The following RAB3C variants were observed in gnomAD, a reference collection of about 807,000 sequenced individuals.
RAB3C encodes ras-related protein Rab-3C.
A neutral mutation model predicts 26.4 loss-of-function variants in RAB3C; 17 were observed. The observed-to-expected ratio is 0.64, with a 90% CI of 0.44 to 0.97. The LOEUF (loss-of-function observed/expected upper bound fraction) is 0.97. Ranked by LOEUF, RAB3C falls within the 50% of genes least tolerant of loss-of-function variation. RAB3C has a pLI of 0.00. For synonymous variants in RAB3C, 91 were observed against 95.9 expected (o/e 0.95, Z 0.30); for missense variants, 242 against 281.9 (o/e 0.86, Z 1.01).
intron 1 of RAB3C, among the ~76,000 whole-genome samples, chr5:58,604,893 T>C (rs1411198809): frequency 2.0e-5 from 3 of 152,176 alleles, no homozygotes; most frequent in African/African-American, 7.2e-5. Context: ...CTGTGGAGTT[T>C]TAACCGCTGC....
At chr5:58,794,711 A>G (rs1160806) in intron 3 of RAB3C, among the ~76,000 whole-genome samples, 30,176 of 152,182 alleles carry the variant, frequency 0.2, 3,152 homozygotes, top group East Asian at 0.39. Context: ...TAACGTCTCT[A>G]TGAAAGTGGT....
chr5:58,749,242 A>T (rs573701317), intron 3 of RAB3C, among the ~76,000 whole-genome samples: 1 of 152,288 alleles, frequency 6.6e-6, no homozygotes, highest in South Asian at 2.1e-4. Flanking sequence ...GCCCTTCACC[A>T]TCTTTCTTTC....
intron 3 of RAB3C, among the ~76,000 whole-genome samples, chr5:58,756,447 A>T (rs895822367): frequency 6.8e-6 from 1 of 147,384 alleles, no homozygotes; most frequent in African/African-American, 2.5e-5. Context: ...CATGTGCAGA[A>T]CGTGCAGGTT....
At chr5:58,750,257 A>G (rs1741493761) in intron 3 of RAB3C, among the ~76,000 whole-genome samples, 5 of 152,246 alleles carry the variant, frequency 3.3e-5, no homozygotes, top group African/African-American at 1.2e-4. Context: ...GTTTAAAAAC[A>G]AATAAAATAA....
Position 58,661,022 on chromosome 5 carries a change from C to T in RAB3C, c.252+43152C>T, listed in dbSNP as rs532651305. On this transcript the variant is annotated intron_variant, in intron 2 of 4. Coordinates refer to ENST00000282878, the MANE Select transcript of RAB3C (RefSeq NM_138453.4). ...GGTATGCAGACAAGCTTGATTAACA[C>T]GGACTCTATCAAAATCAAAACATGA... Among the ~76,000 whole-genome samples the T allele has an allele frequency of 1.1e-4, 17 of 150,126 alleles. 1 individual carries two copies. In the East Asian group the frequency reaches 3.1e-3, roughly 27 times the overall value.
At chr5:58,597,699 TATATA>T (rs1328068640) in intron 1 of RAB3C, among the ~76,000 whole-genome samples, 4 of 112,880 alleles carry the variant, frequency 3.5e-5, no homozygotes, top group Admixed American at 9.5e-5. Flanking sequence ...TATATATAAG[TATATA>T]ATATAATATA....
intron 2 of RAB3C, among the ~76,000 whole-genome samples, chr5:58,688,577 ACT>A (rs1262098711): frequency 6.6e-6 from 1 of 151,982 alleles, no homozygotes; most frequent in Non-Finnish European, 1.5e-5. Context: ...TAGCTCCTCA[ACT>A]CTCCTAAGAA....
intron 1 of RAB3C, among the ~76,000 whole-genome samples, chr5:58,609,005 T>G (rs549127331): frequency 6.6e-6 from 1 of 152,110 alleles, no homozygotes; most frequent in East Asian, 1.9e-4. Flanking sequence ...ACACTTGGAC[T>G]TAGGGCAGGA....
intron 3 of RAB3C, among the ~76,000 whole-genome samples, chr5:58,761,662 C>G (rs988677662): frequency 6.6e-6 from 1 of 152,050 alleles, no homozygotes; most frequent in East Asian, 1.9e-4. Context: ...ACACTCACTC[C>G]AGACTTTGCT....
At chr5:58,787,311 A>T (rs1742414075) in intron 3 of RAB3C, among the ~76,000 whole-genome samples, 1 of 152,348 alleles carries the variant, frequency 6.6e-6, no homozygotes, top group South Asian at 2.1e-4. Context: ...TGTAGATTTC[A>T]GTTGTCGATG....
intron 2 of RAB3C, among the ~76,000 whole-genome samples, chr5:58,706,232 A>G (rs965183007): frequency 6.6e-6 from 1 of 152,148 alleles, no homozygotes; most frequent in African/African-American, 2.4e-5. Flanking sequence ...GAGATCCATC[A>G]GTTACAGCTA....
At chr5:58,653,408 G>C (rs967439413) in intron 2 of RAB3C, among the ~76,000 whole-genome samples, 2 of 152,172 alleles carry the variant, frequency 1.3e-5, no homozygotes, top group Non-Finnish European at 2.9e-5. Context: ...CAAGGATCTA[G>C]AACCAGAAAT....
At chr5:58,837,822 G>A (rs919945806) in intron 4 of RAB3C, among the ~76,000 whole-genome samples, 7 of 152,052 alleles carry the variant, frequency 4.6e-5, no homozygotes, top group Admixed American at 2.0e-4. Flanking sequence ...GCTTCCCAAA[G>A]TGCTGGGATT....
chr5:58,622,914 G>C (rs1746966188), intron 2 of RAB3C, among the ~76,000 whole-genome samples: 1 of 152,196 alleles, frequency 6.6e-6, no homozygotes, highest in Non-Finnish European at 1.5e-5. Flanking sequence ...GGGAGGCCAA[G>C]TGATTTGTCA....
intron 3 of RAB3C, among the ~76,000 whole-genome samples, chr5:58,757,981 G>A (rs292955): frequency 0.22 from 33,266 of 152,004 alleles, 3,799 homozygotes; most frequent in East Asian, 0.31. Context: ...TCGCTCTGTC[G>A]CCCAGGCTGG....
At chr5:58,833,732 G>A (rs1441029193) in intron 4 of RAB3C, among the ~76,000 whole-genome samples, 7 of 152,168 alleles carry the variant, frequency 4.6e-5, no homozygotes, top group Non-Finnish European at 8.8e-5. Context: ...GAAGGCAAAT[G>A]GGACAAGATC....
At chr5:58,708,780 C>T (rs1749002248) in intron 2 of RAB3C, among the ~76,000 whole-genome samples, 1 of 152,102 alleles carries the variant, frequency 6.6e-6, no homozygotes, top group South Asian at 2.1e-4. Flanking sequence ...TTATGGACTG[C>T]CAGATTGTTT....
chr5:58,663,459 G>T (rs1282897619), intron 2 of RAB3C, among the ~76,000 whole-genome samples: 1 of 150,156 alleles, frequency 6.7e-6, no homozygotes, highest in African/African-American at 2.5e-5. Flanking sequence ...TTTATCATTT[G>T]TTGAAAAATT....
chr5:58,809,608 C>T (rs928149070), intron 3 of RAB3C, among the ~76,000 whole-genome samples: 4 of 152,212 alleles, frequency 2.6e-5, no homozygotes, highest in Admixed American at 1.3e-4. Context: ...ACGTTGAAGC[C>T]CCAGTACCCA....
Sources: gnomAD v4.1 joint callset for allele counts (sites outside exome capture counted in the v4.1 genomes callset) on GRCh38, gnomAD v4.1.1 for gene constraint, MANE v1.5 for transcripts, NCBI Gene and HGNC (gene_info 2026-07-23, HGNC 2026-07-21) for gene names.